The following DGKI variants were observed in gnomAD, a reference collection of about 807,000 sequenced individuals.
The protein encoded by DGKI is DAG kinase iota.
In DGKI, 55 loss-of-function variants were observed where a neutral mutation model predicts 147.5. The ratio of observed to expected loss-of-function variants is 0.37; its 90% confidence interval spans 0.30 to 0.47. The LOEUF (loss-of-function observed/expected upper bound fraction) is 0.47. DGKI is among the 20% of genes least tolerant of loss of function. DGKI has a pLI of 1.00. For missense variants in DGKI, 1,007 were observed against 1,323.8 expected, an observed-to-expected ratio of 0.76 and a Z score of 3.71; for synonymous variants, 469 against 477.1, an observed-to-expected ratio of 0.98 and a Z score of 0.22.
intron 28 of DGKI, among the ~76,000 whole-genome samples, chr7:137,431,840 C>G (rs1813085443): frequency 6.6e-6 from 1 of 152,166 alleles, no homozygotes; most frequent in East Asian, 1.9e-4. Context: ...AATTGCCAAC[C>G]CTACCACCCA....
At chr7:137,587,947 T>C (rs1313794204) in intron 12 of DGKI, among the ~76,000 whole-genome samples, 1 of 152,192 alleles carries the variant, frequency 6.6e-6, no homozygotes, top group Non-Finnish European at 1.5e-5. Flanking sequence ...GGGTTTAGTC[T>C]TATAACTAAT....
intron 1 of DGKI, among the ~76,000 whole-genome samples, chr7:137,713,356 GTT>G (rs1794275562): frequency 6.6e-6 from 1 of 152,138 alleles, no homozygotes; most frequent in African/African-American, 2.4e-5. Flanking sequence ...CTATCTATAT[GTT>G]TCTACCTTAA....
rs149447167 is a variant in DGKI, at chr7:137,544,714, T to C, written c.2147+7655A>G. On this transcript the variant is annotated intron_variant, in intron 20 of 32. Coordinates refer to ENST00000614521, the MANE Select transcript of DGKI (RefSeq NM_001321708.2). ...TTCCACCAAGAAAACCAATCAATCA[T>C]TGTTTGGCTTCAGAATACTTCATAT... is the stretch of plus-strand genomic sequence containing the variant. 2.6e-3 allele frequency among the ~76,000 whole-genome samples: 397 copies of C among 152,278 alleles called. 2 individuals are homozygous for C. The highest frequency in any genetic ancestry group is 8.8e-3 in the African/African-American group (367 of 41,552).
At chr7:137,718,487 G>A (rs1198289260) in intron 1 of DGKI, among the ~76,000 whole-genome samples, 4 of 152,120 alleles carry the variant, frequency 2.6e-5, no homozygotes, top group Admixed American at 6.5e-5. Context: ...GAGAGGCAAC[G>A]CCAAAGGCTT....
chr7:137,683,073 A>G (rs1299063587), intron 2 of DGKI, among the ~76,000 whole-genome samples: 1 of 151,896 alleles, frequency 6.6e-6, no homozygotes, highest in Non-Finnish European at 1.5e-5. Flanking sequence ...TCTTTTCATT[A>G]TCTGAATATA....
In DGKI at chr7:137,391,089, G is replaced by A. The variant is rs144883826; in HGVS notation, c.*131C>T. On this transcript the variant is annotated 3_prime_UTR_variant, in exon 33 of 33. Coordinates refer to ENST00000614521, the MANE Select transcript of DGKI (RefSeq NM_001321708.2). The stretch of plus-strand genomic sequence containing the variant: ...GTAGCCCTTAAAAGCTAGTGGCATG[G>A]TCTCAGGTAGATTCTTGCAGGAGAG... The A allele has an allele frequency of 9.1e-6, 7 of 768,720 alleles. No homozygotes were observed. Among genetic ancestry groups the A allele is most frequent in the Non-Finnish European group, 1.6e-5 (7 of 436,020 alleles). The allele number at this position is 768,720 out of a possible 1,614,324, so 47.6% of individuals were successfully genotyped here. A position where few individuals can be genotyped will look rare whatever the true frequency, so the allele number is the denominator to read the frequency against.
chr7:137,634,372 T>C (rs1323059697), intron 6 of DGKI, among the ~76,000 whole-genome samples: 1 of 152,100 alleles, frequency 6.6e-6, no homozygotes, highest in Non-Finnish European at 1.5e-5. Context: ...CAAGCACCAA[T>C]AGGAAAATCA....
intron 3 of DGKI, 35 bp from the exon 4 acceptor site, chr7:137,656,575 G>A: frequency 1.2e-6 from 2 of 1,603,098 alleles, no homozygotes; most frequent in Non-Finnish European, 1.7e-6. Context: ...AAAAAGAAAT[G>A]TTAACAGTCT....
At chr7:137,436,031 T>A (rs1813268015) in intron 28 of DGKI, among the ~76,000 whole-genome samples, 1 of 152,206 alleles carries the variant, frequency 6.6e-6, no homozygotes, top group Non-Finnish European at 1.5e-5. Context: ...CGCCTCGGCC[T>A]CCCAAAGTGC....
In DGKI at chr7:137,791,905, G is replaced by A. The variant is rs189785647; in HGVS notation, c.401+54557C>T. Among the ~76,000 whole-genome samples, 267 of 152,272 alleles carry A rather than the reference G, an allele frequency of 1.8e-3. 2 individuals carry two copies. Among genetic ancestry groups the A allele is most frequent in the African/African-American group, 6.0e-3 (251 of 41,564 alleles). ...AAGTCTTATGTACACATGCGCAGTT[G>A]AATACATTTCAGCCACATAAAATAA... On this transcript the variant is annotated intron_variant, in intron 1 of 32. Transcript: ENST00000614521.
intron 1 of DGKI, among the ~76,000 whole-genome samples, chr7:137,692,067 C>T (rs1823633409): frequency 6.6e-6 from 1 of 152,064 alleles, no homozygotes; most frequent in Non-Finnish European, 1.5e-5. Context: ...ATTTTGGCCC[C>T]TCACCCCAAA....
At chr7:137,490,319 T>C (rs1036042069) in intron 21 of DGKI, among the ~76,000 whole-genome samples, 1 of 152,316 alleles carries the variant, frequency 6.6e-6, no homozygotes, top group Admixed American at 6.5e-5. Flanking sequence ...GACTACGGTG[T>C]TTAGAATAGA....
intron 1 of DGKI, among the ~76,000 whole-genome samples, chr7:137,803,802 C>T (rs918021241): frequency 6.6e-5 from 10 of 152,174 alleles, no homozygotes; most frequent in South Asian, 2.1e-4. Context: ...AAGCTTTAAA[C>T]GGACATTGGA....
At chr7:137,796,867 GAAAA>G (rs1054796609) in intron 1 of DGKI, among the ~76,000 whole-genome samples, 43 of 152,068 alleles carry the variant, frequency 2.8e-4, no homozygotes, top group African/African-American at 9.9e-4. Context: ...CAGAAGGAGA[GAAAA>G]GAAAGAAAGG....
At chr7:137,497,633 C>A (rs1816016894) in intron 21 of DGKI, among the ~76,000 whole-genome samples, 1 of 152,014 alleles carries the variant, frequency 6.6e-6, no homozygotes, top group South Asian at 2.1e-4. Flanking sequence ...GCGATCATGT[C>A]CTTTGCAGCA....
At chr7:137,473,182 T>C (rs1174341848) in intron 23 of DGKI, among the ~76,000 whole-genome samples, 1 of 152,156 alleles carries the variant, frequency 6.6e-6, no homozygotes, top group Non-Finnish European at 1.5e-5. Context: ...TGTAGTTTGC[T>C]TTTGTTCACT....
intron 6 of DGKI, among the ~76,000 whole-genome samples, chr7:137,638,032 C>G (rs903545287): frequency 1.3e-5 from 2 of 152,076 alleles, no homozygotes; most frequent in African/African-American, 4.8e-5. Flanking sequence ...TCAGGCAGGT[C>G]AGATTCAGGT....
intron 10 of DGKI, among the ~76,000 whole-genome samples, chr7:137,601,442 C>T (rs138918438): frequency 6.6e-6 from 1 of 152,270 alleles, no homozygotes; most frequent in Non-Finnish European, 1.5e-5. Flanking sequence ...ATCGTAATTG[C>T]TCTTTCTTAA....
chr7:137,840,709 A>T (rs1316218770), intron 1 of DGKI, among the ~76,000 whole-genome samples: 1 of 152,262 alleles, frequency 6.6e-6, no homozygotes, highest in Non-Finnish European at 1.5e-5. Flanking sequence ...AATAAGAAAA[A>T]GGCAGAGGTT....
Sources: gnomAD v4.1 joint callset for allele counts (sites outside exome capture counted in the v4.1 genomes callset) on GRCh38, gnomAD v4.1.1 for gene constraint, MANE v1.5 for transcripts, NCBI Gene and HGNC (gene_info 2026-07-23, HGNC 2026-07-21) for gene names.